Variants in RORA observed in about 807,000 individuals in gnomAD.
RORA encodes the protein RAR related orphan receptor A.
RORA carries 7 observed loss-of-function variants against 69.5 expected under a neutral mutation model. The ratio of observed to expected loss-of-function variants is 0.10; its 90% CI spans 0.06 to 0.19. The LOEUF is 0.19. Ranked by LOEUF, RORA falls within the 10% of genes least tolerant of loss-of-function variation. The probability of loss-of-function intolerance (pLI) is 1.00; values close to 1 mark genes in which losing one functional copy is unlikely to be tolerated. For missense variants in RORA, 457 were observed against 663.0 expected, an observed-to-expected ratio of 0.69 and a Z score of 3.41; for synonymous variants, 261 against 240.8, an observed-to-expected ratio of 1.08 and a Z score of -0.78.
At position 61,124,156 on chromosome 15, in the gene RORA, T is replaced by C. The variant is rs985988337; in HGVS notation, c.166+104897A>G. Reference sequence around the variant, plus strand: ...GGTCAGCCTCCTACCTCTTAGCCCATTATGCAGCCTGGCACCCCTGCCATT... The same window carrying C: ...GGTCAGCCTCCTACCTCTTAGCCCACTATGCAGCCTGGCACCCCTGCCATT... On this transcript the variant is annotated intron_variant, in intron 1 of 10. Transcript: ENST00000335670. 1.3e-5 allele frequency among the ~76,000 whole-genome samples: 2 copies of C among 152,208 alleles called. 1 individual carries two copies. Among genetic ancestry groups the C allele is most frequent in the African/African-American group, 4.8e-5 (2 of 41,450 alleles).
At chr15:60,614,928 C>T (rs765084808) in intron 2 of RORA, 3 of 1,613,912 alleles carry the variant, frequency 1.9e-6, no homozygotes, top group Non-Finnish European at 2.5e-6. Context: ...AAGAGAAGAA[C>T]TCCCTTAAAT....
At chr15:60,823,662 G>A (rs987558691) in intron 1 of RORA, among the ~76,000 whole-genome samples, 4 of 152,196 alleles carry the variant, frequency 2.6e-5, no homozygotes, top group African/African-American at 9.7e-5. Flanking sequence ...ACAAGCATAT[G>A]TAATAGGCAC....
chr15:60,932,491 G>A (rs1336329776), intron 1 of RORA, among the ~76,000 whole-genome samples: 9 of 152,156 alleles, frequency 5.9e-5, no homozygotes, highest in Non-Finnish European at 1.2e-4. Context: ...ATTTGTTTAC[G>A]TGTTACTACC....
Position 60,840,808 on chromosome 15 carries a change from G to A in RORA, c.167-162122C>T, listed in dbSNP as rs949893208. On this transcript the variant is annotated intron_variant, in intron 1 of 10. Transcript: ENST00000335670. Reference sequence around the variant, plus strand: ...TCCCCTAATCCTGTCTCCGTGGCCCGGCAGCCTGACTGACAAAGCATCCTG... The same window carrying A: ...TCCCCTAATCCTGTCTCCGTGGCCCAGCAGCCTGACTGACAAAGCATCCTG... 4.6e-5 allele frequency among the ~76,000 whole-genome samples: 7 copies of A among 152,272 alleles called. No homozygotes were observed. In the East Asian group the frequency reaches 5.8e-4, roughly 13 times the overall value.
At chr15:60,997,548 C>A (rs979969640) in intron 1 of RORA, among the ~76,000 whole-genome samples, 1 of 152,108 alleles carries the variant, frequency 6.6e-6, no homozygotes, top group East Asian at 1.9e-4. Context: ...AATTGTTTTT[C>A]CCCTGAGAAT....
chr15:60,986,790 C>A (rs1435159083), intron 1 of RORA, among the ~76,000 whole-genome samples: 1 of 152,180 alleles, frequency 6.6e-6, no homozygotes, highest in Non-Finnish European at 1.5e-5. Flanking sequence ...GGGGGTCAGG[C>A]TGGGCCAGTA....
chr15:60,825,721 T>C (rs918170968), intron 1 of RORA, among the ~76,000 whole-genome samples: 1 of 152,232 alleles, frequency 6.6e-6, no homozygotes, highest in African/African-American at 2.4e-5. Flanking sequence ...GAACCTCCTC[T>C]TCTGTGACAT....
intron 1 of RORA, among the ~76,000 whole-genome samples, chr15:61,006,390 G>T (rs1894915929): frequency 6.6e-6 from 1 of 152,112 alleles, no homozygotes; most frequent in East Asian, 1.9e-4. Flanking sequence ...TTCTGATTAT[G>T]ATTATCTTCT....
chr15:60,906,134 C>T (rs1891531246), intron 1 of RORA, among the ~76,000 whole-genome samples: 1 of 152,154 alleles, frequency 6.6e-6, no homozygotes, highest in Non-Finnish European at 1.5e-5. Context: ...GCCTGCTATG[C>T]GTCTGTGAAA....
intron 4 of RORA, among the ~76,000 whole-genome samples, chr15:60,512,833 C>G (rs74017203): frequency 0.023 from 3,563 of 152,176 alleles, 151 homozygotes; most frequent in African/African-American, 0.082. Flanking sequence ...TGTGAAACAC[C>G]AAGATAACTG....
At chr15:61,211,040 C>T (rs1307512084) in intron 1 of RORA, among the ~76,000 whole-genome samples, 1 of 152,154 alleles carries the variant, frequency 6.6e-6, no homozygotes, top group Non-Finnish European at 1.5e-5. Flanking sequence ...TTTAGCTTTG[C>T]CTAGCTAGGC....
intron 1 of RORA, among the ~76,000 whole-genome samples, chr15:61,025,902 T>C (rs1000837777): frequency 6.6e-6 from 1 of 152,212 alleles, no homozygotes; most frequent in African/African-American, 2.4e-5. Flanking sequence ...AGCCATGTAT[T>C]TGAATTAACC....
At chr15:60,556,148 G>C (rs1441667216) in intron 2 of RORA, among the ~76,000 whole-genome samples, 1 of 152,144 alleles carries the variant, frequency 6.6e-6, no homozygotes, top group African/African-American at 2.4e-5. Context: ...AAATGCAAAA[G>C]CTTTTGGAAT....
intron 1 of RORA, among the ~76,000 whole-genome samples, chr15:60,783,411 A>G: frequency 6.6e-6 from 1 of 152,208 alleles, no homozygotes; most frequent in East Asian, 1.9e-4. Context: ...GTGCTACACA[A>G]TGTTTTGCAA....
chr15:61,162,187 T>C (rs761080287), intron 1 of RORA, among the ~76,000 whole-genome samples: 5 of 152,188 alleles, frequency 3.3e-5, no homozygotes, highest in Admixed American at 6.5e-5. Flanking sequence ...CTGTAACGAA[T>C]GTTCTTTGCA....
At chr15:60,590,175 A>ATCTCTCTCTCTC (rs56192812) in intron 2 of RORA, among the ~76,000 whole-genome samples, 5,757 of 146,728 alleles carry the variant, frequency 0.039, 335 homozygotes, top group African/African-American at 0.13. Context: ...CTCTTCCTCT[A>ATCTCTCTCTCTC]TCTCTCTCTC....
chr15:60,780,376 A>G (rs2140337911), intron 1 of RORA, among the ~76,000 whole-genome samples: 1 of 152,300 alleles, frequency 6.6e-6, no homozygotes, highest in East Asian at 1.9e-4. Context: ...TGGTCTAGAG[A>G]GCCCAGTGTA....
At chr15:61,019,919 C>T (rs1400648728) in intron 1 of RORA, among the ~76,000 whole-genome samples, 1 of 152,148 alleles carries the variant, frequency 6.6e-6, no homozygotes, top group Admixed American at 6.5e-5. Flanking sequence ...CTGATTTCTG[C>T]TCCGACACCA....
chr15:60,624,041 G>C (rs1015924545), intron 2 of RORA, among the ~76,000 whole-genome samples: 4 of 151,960 alleles, frequency 2.6e-5, no homozygotes, highest in East Asian at 1.9e-4. Flanking sequence ...GGTGGGAAAG[G>C]GTGGGGAGGC....
Sources: allele counts gnomAD v4.1 joint callset (sites outside exome capture counted in the v4.1 genomes callset), GRCh38; gene constraint gnomAD v4.1.1; transcripts MANE v1.5; gene names NCBI Gene and HGNC (gene_info 2026-07-23, HGNC 2026-07-21).